Variants in USP36 observed in about 807,000 individuals in gnomAD.
The protein encoded by USP36 is ubiquitin specific peptidase 36.
Under a neutral mutation model 111.5 loss-of-function variants are expected in USP36, and 59 were observed. The ratio of observed to expected loss-of-function variants is 0.53; its 90% CI spans 0.43 to 0.66. USP36 has a LOEUF of 0.66. Ranked by LOEUF, USP36 falls within the 30% of genes least tolerant of loss-of-function variation. USP36 has a pLI of 0.00. For synonymous variants in USP36, 628 were observed against 581.0 expected, an observed-to-expected ratio of 1.08 and a Z score of -1.16; for missense variants, 1,488 against 1,468.0, an observed-to-expected ratio of 1.01 and a Z score of -0.22.
chr17:78,835,217 G>A (rs2068548001), intron 4 of USP36, 63 bp downstream of exon 4: 9 of 1,531,388 alleles, frequency 5.9e-6, no homozygotes, highest in South Asian at 2.3e-5. Flanking sequence ...AGTGCCACAA[G>A]TGCATGGGCT....
At position 78,807,001 on chromosome 17, in the gene USP36, CATG is replaced by C. The variant is rs1567922854; in HGVS notation, c.2040_2042del (p.Met681del). 3.1e-6 allele frequency: 5 copies of C among 1,614,238 alleles called. No individual in the cohort carries two copies. The highest frequency in any genetic ancestry group is 2.2e-5 in the East Asian group (1 of 44,880). On this transcript the variant is annotated inframe_deletion, in exon 14 of 21. Transcript: ENST00000449938. ...CCAGTTTTTTGGCTGGTGGAGGAGACATGGTGCTTGCAGGCTCAGTGGTGGTGT... is the reference window on the plus strand; with the variant it reads ...CCAGTTTTTTGGCTGGTGGAGGAGACGTGCTTGCAGGCTCAGTGGTGGTGT...
At position 78,802,405 on chromosome 17, in the gene USP36, C is replaced by T. The variant is rs151321204; in HGVS notation, c.2941G>A (p.Ala981Thr). 2.8e-4 allele frequency: 458 copies of T among 1,611,644 alleles called. 2 individuals carry two copies. The highest frequency in any genetic ancestry group is 1.2e-3 in the Admixed American group (71 of 59,806). ...GGGACAACAGCATCTTGGGGCTTGGCACTCCTTGGGCATTTGAGATGCCCA... is the reference window on the plus strand; with the variant it reads ...GGGACAACAGCATCTTGGGGCTTGGTACTCCTTGGGCATTTGAGATGCCCA... ...EDGHLKCPRS[A>T]KPQDAVVPES... The change falls in exon 17 of 21, where the codon GCC becomes ACC. Residue 981 changes from alanine to threonine, a missense_variant. Around this residue, in one of 3 missense-constraint regions of USP36, gnomAD observed 1,073 missense variants for 994.1 expected, o/e 1.08. Transcript: ENST00000449938.
At chr17:78,795,593 T>C (rs1224959470), downstream of USP36, 1 of 151,992 alleles carries the variant, frequency 6.6e-6, no homozygotes, top group East Asian at 1.9e-4. This position sits in a 1 kb window ranked among gnomAD's most constrained non-coding sequence, Gnocchi z 4.5. Context: ...TCAGCGAGAC[T>C]GTGGTTGGGA....
chr17:78,820,936 C>T, intron 8 of USP36, 55 bp downstream of exon 8: 1 of 1,553,792 alleles, frequency 6.4e-7, no homozygotes. Flanking sequence ...GGTTCTGTTT[C>T]ACCCTCTGGC....
Position 78,803,778 on chromosome 17 carries a change from T to G in USP36, c.2417A>C (p.Gln806Pro), listed in dbSNP as rs3088040. The G allele has an allele frequency of 7.4e-6, 12 of 1,612,442 alleles. No homozygotes were observed. The highest frequency in any genetic ancestry group is 1.1e-5 in the South Asian group (1 of 91,066). ...CTTTTTCCTCTTCTCAGAGGGGCTC[T>G]GGGGGGGCTCACTGGCCTCTGGCAA... ...HQLPEASEPPQSPSEKRKKTF... is the reference protein window; with the variant it reads ...HQLPEASEPPPSPSEKRKKTF... Residue 806 changes from glutamine (Q) to proline (P), a missense_variant, in exon 16 of 21, where the codon CAG (glutamine) becomes CCG (proline). This residue lies in a region of USP36 where 1,073 missense variants were observed against 994.1 expected (regional missense o/e 1.08). Coordinates refer to ENST00000449938, the MANE Select transcript of USP36 (RefSeq NM_001385174.1). The surrounding 1 kb of genome is among the most constrained non-coding windows in gnomAD (Gnocchi z 4.6).
Position 78,795,869 on chromosome 17 carries a change from T to C in USP36, c.*2031A>G, listed in dbSNP as rs1165384339. On this transcript the variant is annotated 3_prime_UTR_variant, in exon 21 of 21. Coordinates refer to ENST00000449938, the MANE Select transcript of USP36 (RefSeq NM_001385174.1). The surrounding 1 kb of genome is among the most constrained non-coding windows in gnomAD (Gnocchi z 4.5). ...TCCAGCTCCATTCCCAAGCACAAAA[T>C]TCAACAGACCCAGATCCTAAGTCAA... 6.6e-6 allele frequency: 1 copy of C among 152,208 alleles called. No individual in the cohort carries two copies. Among genetic ancestry groups the C allele is most frequent in the Non-Finnish European group, 1.5e-5 (1 of 68,076 alleles). 9.4% of individuals were successfully genotyped at this position (152,208 alleles called of 1,614,324 possible).
At chr17:78,793,802 C>T (rs1173262724), downstream of USP36, among the ~76,000 whole-genome samples, 3 of 152,076 alleles carry the variant, frequency 2.0e-5, no homozygotes, top group Admixed American at 2.0e-4. Context: ...AACAGATGCC[C>T]ACCTGATTCC....
chr17:78,817,579 AC>A (rs1216161717), intron 10 of USP36, among the ~76,000 whole-genome samples: 1 of 151,902 alleles, frequency 6.6e-6, no homozygotes, highest in Non-Finnish European at 1.5e-5. Context: ...CCATGGCAAA[AC>A]CCCATCTCTA....
chr17:78,808,631 T>C (rs535426536), intron 13 of USP36, among the ~76,000 whole-genome samples: 2 of 152,352 alleles, frequency 1.3e-5, no homozygotes, highest in South Asian at 4.1e-4. Context: ...TTATATAAGC[T>C]ATATTGTCTC....
At chr17:78,810,629 G>A (rs146231280) in intron 13 of USP36, among the ~76,000 whole-genome samples, 189 of 152,246 alleles carry the variant, frequency 1.2e-3, no homozygotes, top group African/African-American at 4.4e-3. Flanking sequence ...CACCAACTTT[G>A]CAATTATATC....
At chr17:78,813,116 C>T (rs2094107669) in intron 12 of USP36, 115 bp from the exon 13 acceptor site, 3 of 1,289,554 alleles carry the variant, frequency 2.3e-6, no homozygotes, top group South Asian at 1.4e-5. Context: ...GGAAACCCTG[C>T]CAGTCCTAAC....
intron 1 of USP36, among the ~76,000 whole-genome samples, chr17:78,839,979 C>T (rs1178535800): frequency 6.6e-6 from 1 of 152,216 alleles, no homozygotes; most frequent in Non-Finnish European, 1.5e-5. Flanking sequence ...TGAACTGCAA[C>T]GGACGCTCGC....
At position 78,798,164 on chromosome 17, in the gene USP36, A is replaced by G. The variant is rs1447378717; in HGVS notation, c.*20+236T>C. 8.7e-5 allele frequency: 47 copies of G among 541,930 alleles called. 1 individual carries two copies. In the East Asian group the frequency reaches 1.4e-3, roughly 16 times the overall value. The allele number at this position is 541,930 out of a possible 1,614,324, so 33.6% of individuals were successfully genotyped here. ...ACACACACTACACACACCCCCTTATACACACGCATCCCACACACACCCCCT... is the reference window on the plus strand; with the variant it reads ...ACACACACTACACACACCCCCTTATGCACACGCATCCCACACACACCCCCT... On this transcript the variant is annotated intron_variant, in intron 20 of 20. Transcript: ENST00000449938. The surrounding 1 kb of genome is among the most constrained non-coding windows in gnomAD (Gnocchi z 5.1).
intron 6 of USP36, chr17:78,826,731 C>T (rs28436218): frequency 0.041 from 9,447 of 230,398 alleles, 848 homozygotes; most frequent in African/African-American, 0.2. Flanking sequence ...GCTTACGTGG[C>T]GTGTGAATAA....
intron 18 of USP36, among the ~76,000 whole-genome samples, chr17:78,799,238 C>T (rs907434109): frequency 6.6e-6 from 1 of 152,206 alleles, no homozygotes; most frequent in Non-Finnish European, 1.5e-5. Flanking sequence ...TAGCTAAACC[C>T]TAAACCACAG....
chr17:78,829,341 A>T (rs961138423), intron 4 of USP36, among the ~76,000 whole-genome samples: 8 of 152,240 alleles, frequency 5.3e-5, no homozygotes, highest in African/African-American at 1.9e-4. Context: ...AAAAAGACTA[A>T]GGCAGATTTT....
At chr17:78,816,996 G>A (rs1185692164) in intron 10 of USP36, among the ~76,000 whole-genome samples, 6 of 152,156 alleles carry the variant, frequency 3.9e-5, no homozygotes, top group Non-Finnish European at 5.9e-5. Context: ...CATCAGTCAT[G>A]TGCCACATAA....
rs754284939 is a variant in USP36 at position 78,836,247 on chromosome 17, T to C, written c.117A>G (p.Lys39=). 1.9e-6 allele frequency: 3 copies of C among 1,614,132 alleles called. No homozygotes were observed. Among genetic ancestry groups the C allele is most frequent in the Non-Finnish European group, 2.5e-6 (3 of 1,180,000 alleles). ...TCTTGCTGGCTGGCTCGAACTCGAT[T>C]TTCTGTAAAAGGACCTTCTTGGCAG... ...ASSAKKVLLQ[K]IEFEPASKSF... The change falls in exon 3 of 21, where the codon AAA becomes AAG. Residue 39 remains lysine, a synonymous_variant. Transcript: ENST00000449938.
chr17:78,834,899 TGAGCCCAG>T (rs1236147182), intron 4 of USP36, among the ~76,000 whole-genome samples: 1 of 151,876 alleles, frequency 6.6e-6, no homozygotes, highest in Non-Finnish European at 1.5e-5. Context: ...GAGGATCATG[TGAGCCCAG>T]GAGTTCAAGA....
Sources: allele counts gnomAD v4.1 joint callset (sites outside exome capture counted in the v4.1 genomes callset), GRCh38; gene constraint gnomAD v4.1.1; regional missense constraint gnomAD v4.1.1; non-coding constraint Gnocchi (gnomAD v3.1); transcripts MANE v1.5; gene names NCBI Gene and HGNC (gene_info 2026-07-23, HGNC 2026-07-21).